The following DLG5 variants were observed in gnomAD, a reference collection of about 807,000 sequenced individuals.
DLG5 encodes the protein discs large MAGUK scaffold protein 5, also known as disks large homolog 5.
A neutral mutation model predicts 189.8 loss-of-function variants in DLG5; 48 were observed. The observed-to-expected ratio is 0.25, with a 90% CI of 0.20 to 0.32. DLG5 has a LOEUF of 0.32. Ranked by LOEUF, DLG5 falls within the 10% of genes least tolerant of loss-of-function variation. DLG5 has a pLI of 1.00. For synonymous variants in DLG5, 1,016 were observed against 1,054.1 expected, an observed-to-expected ratio of 0.96 and a Z score of 0.70; for missense variants, 2,160 against 2,544.7, an observed-to-expected ratio of 0.85 and a Z score of 3.25.
intron 3 of DLG5, 59 bp downstream of exon 3, chr10:77,856,671 G>A (rs1300459210): frequency 6.3e-7 from 1 of 1,580,246 alleles, no homozygotes; most frequent in African/African-American, 1.3e-5. Context: ...GACAGCACCA[G>A]CATCGGGGTA....
At position 77,819,903 on chromosome 10, in the gene DLG5, G is replaced by C; in HGVS notation, c.3518C>G (p.Pro1173Arg). 6.4e-7 allele frequency: 1 copy of C among 1,569,624 alleles called. No individual in the cohort carries two copies. The highest frequency in any genetic ancestry group is 8.6e-7 in the Non-Finnish European group (1 of 1,158,574). ...HSNPPLYPSRPSVGTVPRSLT... is the reference protein window; with the variant it reads ...HSNPPLYPSRRSVGTVPRSLT... ...CTGGCTGGCTGACTCACCCACAGAC[G>C]GCCTGCTAGGGTATAGCGGGGGGTT... The change falls in exon 16 of 32, where the codon CCG (proline) becomes CGG (arginine). Residue 1173 changes from proline to arginine, a missense_variant. Transcript: ENST00000372391.
chr10:77,825,271 T>C (rs1016529655), intron 13 of DLG5, among the ~76,000 whole-genome samples: 6 of 151,994 alleles, frequency 3.9e-5, no homozygotes, highest in Admixed American at 1.3e-4. Context: ...GGGGTGTTAC[T>C]ACAAATGGGC....
At chr10:77,880,838 T>C (rs1251889673) in intron 1 of DLG5, among the ~76,000 whole-genome samples, 1 of 152,078 alleles carries the variant, frequency 6.6e-6, no homozygotes, top group East Asian at 1.9e-4. Context: ...GGTGGGCCAC[T>C]ATCAACTCAC....
chr10:77,821,924 C>G lies in DLG5; in HGVS notation c.2560G>C (p.Asp854His). Residue 854 changes from aspartate to histidine, a missense_variant, in exon 15 of 32, where the codon GAC (aspartate) becomes CAC (histidine). By Grantham distance (81) the Asp-to-His change is moderately conservative. This residue lies in a region of DLG5 where 754 missense variants were observed against 746.5 expected (regional missense o/e 1.01). Coordinates refer to ENST00000372391, the MANE Select transcript of DLG5 (RefSeq NM_004747.4). ...TDIFYTDRLE[D>H]RKEPGPPGGS... ...CCTGGGGGGCCTGGCTCCTTCCTGTCTTCCAGCCTGTCCGTGTAGAAGATG... is the reference window on the plus strand; with the variant it reads ...CCTGGGGGGCCTGGCTCCTTCCTGTGTTCCAGCCTGTCCGTGTAGAAGATG... 6.2e-7 allele frequency: 1 copy of G among 1,614,260 alleles called. No individual in the cohort carries two copies. The highest frequency in any genetic ancestry group is 8.5e-7 in the Non-Finnish European group (1 of 1,180,052).
At chr10:77,809,825 T>C (rs1417983350) in intron 23 of DLG5, 95 bp from the exon 24 acceptor site, 17 of 1,422,656 alleles carry the variant, frequency 1.2e-5, no homozygotes, top group Non-Finnish European at 1.5e-5. Flanking sequence ...TTCTGCCTGC[T>C]TCTTGGGGTC....
intron 17 of DLG5, 116 bp downstream of exon 17, chr10:77,819,205 T>C: frequency 6.7e-7 from 1 of 1,488,272 alleles, no homozygotes; most frequent in Non-Finnish European, 9.2e-7. Context: ...GCCAGTCCCC[T>C]CCCAGGCAGG....
Position 77,843,664 on chromosome 10 carries a change from A to G in DLG5, c.907T>C (p.Tyr303His). The G allele has an allele frequency of 6.2e-7, 1 of 1,613,928 alleles. No individual in the cohort carries two copies. The highest frequency in any genetic ancestry group is 8.5e-7 in the Non-Finnish European group (1 of 1,180,006). The change falls in exon 6 of 32, where the codon TAT becomes CAT. Residue 303 changes from tyrosine to histidine, a missense_variant. Coordinates refer to ENST00000372391, the MANE Select transcript of DLG5 (RefSeq NM_004747.4). ...NGSSEILNKL[Y>H]DTAMDKLEVV... is the part of the protein sequence containing the mutation. ...TCCAACTTGTCCATGGCCGTGTCAT[A>G]CAGTTTGTTGAGAATCTCGGATGAC...
intron 5 of DLG5, among the ~76,000 whole-genome samples, chr10:77,848,832 C>T (rs1047692015): frequency 2.0e-5 from 3 of 152,052 alleles, no homozygotes; most frequent in African/African-American, 7.2e-5. Context: ...ATGGTCATTT[C>T]CACAAAGCTA....
chr10:77,860,202 C>A (rs1255276069), intron 2 of DLG5, among the ~76,000 whole-genome samples: 2 of 152,220 alleles, frequency 1.3e-5, no homozygotes, highest in Non-Finnish European at 2.9e-5. Flanking sequence ...AGTCTGGATT[C>A]TAAACACATG....
chr10:77,843,617 G>A lies in DLG5; in HGVS notation c.954C>T (p.Asp318=), dbSNP rs34891538. Residue 318 remains aspartate (D), a synonymous_variant, in exon 6 of 32, where the codon GAC becomes GAT. Coordinates refer to ENST00000372391, the MANE Select transcript of DLG5 (RefSeq NM_004747.4). ...TCTCACTGTACCTCTTCCGAAGGGC[G>A]TCATAGTCCTTCTTGACCACCTCCA... ...DKLEVVKKDY[D]ALRKRYSEKV... 0.01 allele frequency: 16,376 copies of A among 1,613,712 alleles called. 1,363 individuals carry two copies. The African/African-American group carries it at 0.19, about 18-fold the overall frequency.
At chr10:77,854,924 G>C (rs1032842185) in intron 3 of DLG5, among the ~76,000 whole-genome samples, 3 of 151,482 alleles carry the variant, frequency 2.0e-5, no homozygotes, top group Non-Finnish European at 4.4e-5. Flanking sequence ...AGGAGGTCGA[G>C]GATGCAGTGA....
chr10:77,876,880 T>TA (rs1214020105), intron 1 of DLG5, among the ~76,000 whole-genome samples: 1 of 151,318 alleles, frequency 6.6e-6, no homozygotes, highest in Admixed American at 6.6e-5. Context: ...ATTCTTTTTT[T>TA]TTTTTTTAAA....
intron 1 of DLG5, among the ~76,000 whole-genome samples, chr10:77,897,920 G>A (rs548646863): frequency 3.9e-4 from 60 of 152,122 alleles, no homozygotes; most frequent in Non-Finnish European, 7.6e-4. Context: ...ACTGGAGAGT[G>A]GTAGAATTTC....
intron 1 of DLG5, among the ~76,000 whole-genome samples, chr10:77,911,365 C>G (rs1198294083): frequency 6.6e-6 from 1 of 152,170 alleles, no homozygotes; most frequent in African/African-American, 2.4e-5. Flanking sequence ...AAGCAATCCG[C>G]CTGCCTCCCA....
intron 27 of DLG5, among the ~76,000 whole-genome samples, chr10:77,802,832 A>G (rs1333364237): frequency 1.3e-5 from 2 of 152,222 alleles, no homozygotes; most frequent in African/African-American, 2.4e-5. Flanking sequence ...CCTGGGAGGC[A>G]GAGGTTGCAG....
At chr10:77,937,029 T>C in the DLG5 span, among the ~76,000 whole-genome samples, 1 of 152,158 alleles carries the variant, frequency 6.6e-6, no homozygotes, top group Non-Finnish European at 1.5e-5. Flanking sequence ...AGCCTAGTTT[T>C]CCAATGCACA....
chr10:77,857,914 G>A (rs1475493923), intron 2 of DLG5, among the ~76,000 whole-genome samples: 1 of 152,122 alleles, frequency 6.6e-6, no homozygotes, highest in Non-Finnish European at 1.5e-5. Flanking sequence ...ACGCACAAAG[G>A]GCATAGGACA....
At chr10:77,825,660 A>T (rs1165002877) in intron 13 of DLG5, among the ~76,000 whole-genome samples, 1 of 151,920 alleles carries the variant, frequency 6.6e-6, no homozygotes, top group East Asian at 1.9e-4. Context: ...GGTTCAAGCA[A>T]TTCTCCTATC....
chr10:77,826,880 G>A (rs574970504), intron 13 of DLG5, among the ~76,000 whole-genome samples: 5 of 147,898 alleles, frequency 3.4e-5, no homozygotes, highest in South Asian at 2.2e-4. Flanking sequence ...CCTGGGAGGC[G>A]GAGGCTACAG....
Sources: allele counts gnomAD v4.1 joint callset (sites outside exome capture counted in the v4.1 genomes callset), GRCh38; gene constraint gnomAD v4.1.1; regional missense constraint gnomAD v4.1.1; transcripts MANE v1.5; gene names NCBI Gene and HGNC (gene_info 2026-07-23, HGNC 2026-07-21).